Variants in DAB1 observed in about 807,000 individuals in gnomAD.
DAB1 encodes the protein disabled homolog 1.
Under a neutral mutation model 64.6 loss-of-function variants are expected in DAB1, and 15 were observed. That is an observed-to-expected ratio of 0.23 (90% CI 0.16 to 0.36). The LOEUF (loss-of-function observed/expected upper bound fraction) is 0.36, where lower values mean the gene tolerates loss of function less well. Ranked by LOEUF, DAB1 falls within the 10% of genes least tolerant of loss-of-function variation. DAB1 has a pLI of 1.00. For missense variants in DAB1, 596 were observed against 706.7 expected, an observed-to-expected ratio of 0.84 and a Z score of 1.78; for synonymous variants, 235 against 251.9, an observed-to-expected ratio of 0.93 and a Z score of 0.64.
chr1:57,099,705 C>T (rs1447377104), intron 4 of DAB1, among the ~76,000 whole-genome samples: 1 of 152,186 alleles, frequency 6.6e-6, no homozygotes, highest in Admixed American at 6.5e-5. Flanking sequence ...AGCACGTATG[C>T]AATTTTCAAT....
At chr1:57,978,789 T>G (rs1227484791) in intron 5 of DAB1, among the ~76,000 whole-genome samples, 4 of 152,148 alleles carry the variant, frequency 2.6e-5, no homozygotes, top group African/African-American at 9.7e-5. Flanking sequence ...AAGAAGACAT[T>G]TATGCAGCCA....
At chr1:57,997,595 C>T (rs1286658088) in intron 5 of DAB1, among the ~76,000 whole-genome samples, 2 of 152,204 alleles carry the variant, frequency 1.3e-5, no homozygotes, top group East Asian at 3.9e-4. Context: ...CTAACAGCAT[C>T]CGATTTGGGG....
chr1:57,333,619 G>C (rs559126727), intron 1 of DAB1, among the ~76,000 whole-genome samples: 1 of 152,312 alleles, frequency 6.6e-6, no homozygotes, highest in African/African-American at 2.4e-5. Flanking sequence ...TCAGGGATCA[G>C]CCAGTTCTGC....
rs575496794 is a variant in DAB1 at position 57,052,983 on chromosome 1, T to A, written c.723+9901A>T. ...AACTGGAGGCAACTAACACATATCA[T>A]CCCTAGGTCTTCTCTTCCTCAGGGT... On this transcript the variant is annotated intron_variant, in intron 9 of 14. Coordinates refer to ENST00000371236, the MANE Select transcript of DAB1 (RefSeq NM_001365792.1). Among the ~76,000 whole-genome samples, 8 of 152,314 alleles carry A rather than the reference T, an allele frequency of 5.3e-5. No homozygotes were observed. In the South Asian group the frequency reaches 1.7e-3, roughly 32 times the overall value.
intron 4 of DAB1, among the ~76,000 whole-genome samples, chr1:58,184,351 T>C (rs1346602938): frequency 6.6e-6 from 1 of 150,532 alleles, no homozygotes. Context: ...CTCTAATCTC[T>C]TAATTGATTA....
At position 57,865,923 on chromosome 1, in the gene DAB1, G is replaced by A. The variant is rs190082735; in HGVS notation, n.87+18076C>T. ...GGTCTGGGAAATCCAAAATTAAGGC[G>A]CCAGCAGATTTGGTGTTTCATGATA... On this transcript the variant is annotated intron_variant and non_coding_transcript_variant, in intron 1 of 1. Transcript: ENST00000477280. Among the ~76,000 whole-genome samples the A allele has an allele frequency of 1.1e-4, 17 of 152,202 alleles. No homozygotes were observed. In the East Asian group the frequency reaches 1.5e-3, roughly 14 times the overall value.
chr1:58,385,786 T>C (rs1644427579), intron 3 of DAB1, among the ~76,000 whole-genome samples: 3 of 152,200 alleles, frequency 2.0e-5, no homozygotes, highest in African/African-American at 7.2e-5. Flanking sequence ...CCTGAACCAA[T>C]TGAAAAATGA....
chr1:57,774,432 A>G (rs1006723622), intron 6 of DAB1, among the ~76,000 whole-genome samples: 7 of 151,682 alleles, frequency 4.6e-5, no homozygotes, highest in African/African-American at 1.7e-4. Context: ...TACATTCCAA[A>G]TTTATTTTAA....
chr1:57,514,662 G>A (rs1458299555), intron 7 of DAB1, among the ~76,000 whole-genome samples: 1 of 152,196 alleles, frequency 6.6e-6, no homozygotes, highest in Non-Finnish European at 1.5e-5. Context: ...TATGAAGTTA[G>A]TGCCTCTGGG....
chr1:57,729,313 G>A (rs1570774353), intron 6 of DAB1, among the ~76,000 whole-genome samples: 1 of 152,206 alleles, frequency 6.6e-6, no homozygotes, highest in African/African-American at 2.4e-5. Context: ...ACTACTGGAG[G>A]CAGCCAGTCC....
intron 3 of DAB1, among the ~76,000 whole-genome samples, chr1:58,379,433 T>C (rs1007108412): frequency 1.3e-5 from 2 of 152,222 alleles, no homozygotes; most frequent in African/African-American, 2.4e-5. Context: ...TTACAACCCA[T>C]TGAAATGTAT....
At chr1:57,083,475 G>T (rs926627372) in intron 4 of DAB1, among the ~76,000 whole-genome samples, 1 of 152,130 alleles carries the variant, frequency 6.6e-6, no homozygotes, top group Non-Finnish European at 1.5e-5. Flanking sequence ...TAGAAAGCAG[G>T]TAAATGAATG....
intron 1 of DAB1, among the ~76,000 whole-genome samples, chr1:57,297,111 A>G (rs1673260463): frequency 6.6e-6 from 1 of 152,198 alleles, no homozygotes; most frequent in African/African-American, 2.4e-5. Flanking sequence ...TAATCAGATT[A>G]GGCATTTAAG....
intron 4 of DAB1, among the ~76,000 whole-genome samples, chr1:58,297,961 A>T (rs1368202285): frequency 6.6e-6 from 1 of 152,204 alleles, no homozygotes; most frequent in African/African-American, 2.4e-5. Context: ...CACTTGGGGC[A>T]GTTTCCTCCA....
At chr1:58,152,779 C>T (rs183109947) in intron 4 of DAB1, among the ~76,000 whole-genome samples, 5 of 152,270 alleles carry the variant, frequency 3.3e-5, no homozygotes, top group South Asian at 2.1e-4. Context: ...TCACAACATA[C>T]GAGTAGTAAG....
At chr1:57,581,391 C>T (rs1392132954) in intron 7 of DAB1, among the ~76,000 whole-genome samples, 1 of 152,138 alleles carries the variant, frequency 6.6e-6, no homozygotes, top group Non-Finnish European at 1.5e-5. Context: ...TGGATATTTG[C>T]ATGCCCCAAA....
chr1:58,325,431 T>G (rs1409760788), intron 4 of DAB1, among the ~76,000 whole-genome samples: 4 of 152,250 alleles, frequency 2.6e-5, no homozygotes. Flanking sequence ...TTCCTCATCT[T>G]TAAGAATATG....
intron 5 of DAB1, among the ~76,000 whole-genome samples, chr1:57,985,418 C>T (rs964857892): frequency 6.6e-6 from 1 of 152,070 alleles, no homozygotes; most frequent in African/African-American, 2.4e-5. Flanking sequence ...ATTCATGTGT[C>T]GAAATCCTAA....
intron 7 of DAB1, among the ~76,000 whole-genome samples, chr1:57,625,842 G>C (rs1000728224): frequency 2.0e-5 from 3 of 152,026 alleles, no homozygotes; most frequent in South Asian, 2.1e-4. Flanking sequence ...CACCAGTTCT[G>C]GCTCAGTACA....
Sources: allele counts gnomAD v4.1 joint callset (sites outside exome capture counted in the v4.1 genomes callset), GRCh38; gene constraint gnomAD v4.1.1; transcripts MANE v1.5; gene names NCBI Gene and HGNC (gene_info 2026-07-23, HGNC 2026-07-21).